Variants in POF1B observed in about 807,000 individuals in gnomAD.
POF1B encodes the protein POF1B actin binding protein.
In POF1B, 53 loss-of-function variants were observed where a neutral mutation model predicts 55.3. The observed-to-expected ratio is 0.96, with a 90% CI of 0.77 to 1.20. POF1B has a LOEUF of 1.20. Among genes scored for constraint, POF1B ranks in the 50% most tolerant of loss-of-function variants. The pLI, the probability that POF1B is intolerant of heterozygous loss-of-function variation, is 0.00. For missense variants in POF1B, 478 were observed against 420.5 expected, an observed-to-expected ratio of 1.14 and a Z score of -1.20; for synonymous variants, 188 against 148.3, an observed-to-expected ratio of 1.27 and a Z score of -1.95.
intron 15 of POF1B, among the ~76,000 whole-genome samples, chrX:85,284,106 G>T (rs1055023214): frequency 9.0e-6 from 1 of 110,933 alleles, no homozygotes; most frequent in Non-Finnish European, 1.9e-5. Flanking sequence ...TACAAGAGAT[G>T]TGAAGGACCT....
intron 2 of POF1B, among the ~76,000 whole-genome samples, chrX:85,371,244 C>T (rs974064536): frequency 7.2e-5 from 8 of 111,660 alleles, no homozygotes; most frequent in Non-Finnish European, 1.5e-4. Context: ...TTGTTTCTGA[C>T]GTTCTGTGAA....
intron 5 of POF1B, among the ~76,000 whole-genome samples, chrX:85,346,513 C>T (rs1933274371): frequency 1.8e-5 from 2 of 109,848 alleles, no homozygotes; most frequent in South Asian, 7.8e-4. Flanking sequence ...AAGTTCTTAT[C>T]CTTATGAAAC....
At chrX:85,335,922 T>C (rs959480646) in intron 6 of POF1B, among the ~76,000 whole-genome samples, 1 of 110,215 alleles carries the variant, frequency 9.1e-6, no homozygotes, top group African/African-American at 3.3e-5. Flanking sequence ...AGTTACACTG[T>C]TTTTCTATCA....
At chrX:85,336,127 C>A (rs978931323) in intron 6 of POF1B, among the ~76,000 whole-genome samples, 11 of 110,759 alleles carry the variant, frequency 9.9e-5, no homozygotes, top group African/African-American at 3.6e-4. Context: ...CTGTGCCTGG[C>A]TTATTTCACT....
Position 85,305,846 on chromosome X carries a change from G to A in POF1B, c.1382C>T (p.Thr461Met), listed in dbSNP as rs755105978. The A allele has an allele frequency of 1.7e-6, 2 of 1,209,241 alleles. No individual in the cohort carries two copies. The highest frequency in any genetic ancestry group is 2.2e-6 in the Non-Finnish European group (2 of 893,804). The change falls in exon 13 of 17, where the codon ACG becomes ATG. Residue 461 changes from threonine (T) to methionine (M), a missense_variant. Transcript: ENST00000262753. ...AKMDEIGNHYTEMVKNLRMEK... is the reference protein window; with the variant it reads ...AKMDEIGNHYMEMVKNLRMEK... Reference sequence around the variant, plus strand: ...CATTCTCAAGTTTTTTACCATCTCCGTGTAGTGGTTGCCAATCTCATCCAT... The same window carrying A: ...CATTCTCAAGTTTTTTACCATCTCCATGTAGTGGTTGCCAATCTCATCCAT...
At chrX:85,326,109 A>T (rs922288556) in intron 7 of POF1B, among the ~76,000 whole-genome samples, 1 of 111,941 alleles carries the variant, frequency 8.9e-6, no homozygotes, top group African/African-American at 3.2e-5. Flanking sequence ...GGTGCCAGCC[A>T]CCATACTCCG....
chrX:85,343,326 C>A (rs748109652), intron 6 of POF1B, among the ~76,000 whole-genome samples: 7 of 110,771 alleles, frequency 6.3e-5, no homozygotes, highest in Middle Eastern at 4.7e-3. Context: ...CATTAGTTAC[C>A]CAACTTTGCC....
intron 13 of POF1B, among the ~76,000 whole-genome samples, chrX:85,304,834 A>G (rs1022997545): frequency 4.5e-5 from 5 of 111,595 alleles, no homozygotes; most frequent in South Asian, 3.7e-4. Flanking sequence ...AGTTCACAAA[A>G]TATTCCTCCT....
intron 16 of POF1B, among the ~76,000 whole-genome samples, chrX:85,280,833 GA>G (rs201406392): frequency 1.8e-5 from 2 of 110,425 alleles, no homozygotes; most frequent in South Asian, 3.8e-4. Flanking sequence ...ATATAATTAG[GA>G]AAAAAACCCA....
chrX:85,324,123 C>T (rs1342910640), intron 7 of POF1B, among the ~76,000 whole-genome samples: 3 of 111,762 alleles, frequency 2.7e-5, no homozygotes, highest in African/African-American at 9.7e-5. Flanking sequence ...CTGATGATTG[C>T]TTTATGCTCA....
chrX:85,306,322 T>C lies in POF1B; in HGVS notation c.1176A>G (p.Gln392=), dbSNP rs1189927121. The C allele has an allele frequency of 1.7e-6, 2 of 1,207,804 alleles. No individual in the cohort carries two copies. Among genetic ancestry groups the C allele is most frequent in the South Asian group, 1.8e-5 (1 of 56,154 alleles). The change falls in exon 12 of 17, where the codon CAA becomes CAG. Residue 392 remains glutamine (Q), a synonymous_variant. Transcript: ENST00000262753. The part of the protein sequence containing the change: ...ANNHQQQQGL[Q]DSSSKCQALE... ...ATGCCTGGCATTTTGAACTTGAGTC[T>C]TGAAGTCCTTGCTGTAAAGAAGACA...
intron 3 of POF1B, among the ~76,000 whole-genome samples, chrX:85,363,980 G>A (rs903147899): frequency 1.8e-5 from 2 of 111,880 alleles, no homozygotes; most frequent in African/African-American, 6.5e-5. Context: ...CTGTTAAATT[G>A]AAATCTTTAC....
At chrX:85,328,324 C>T (rs1012530753) in intron 7 of POF1B, among the ~76,000 whole-genome samples, 8 of 108,695 alleles carry the variant, frequency 7.4e-5, no homozygotes, top group African/African-American at 1.7e-4. Flanking sequence ...CCTGCTTTAG[C>T]CTCCTGAGTA....
At chrX:85,288,840 A>G (rs1189618308) in intron 15 of POF1B, among the ~76,000 whole-genome samples, 2 of 111,942 alleles carry the variant, frequency 1.8e-5, no homozygotes, top group Admixed American at 9.5e-5. Flanking sequence ...GTTAAGTTCA[A>G]TTAAACCTCT....
At chrX:85,338,088 T>C (rs1244592210) in intron 6 of POF1B, among the ~76,000 whole-genome samples, 1 of 111,468 alleles carries the variant, frequency 9.0e-6, no homozygotes, top group Admixed American at 9.6e-5. Flanking sequence ...GTGCCCAGCA[T>C]GGTGCCTGAA....
Position 85,367,666 on chromosome X carries a change from C to A in POF1B, c.357+26G>T, listed in dbSNP as rs189033996. 2.5e-3 allele frequency: 2,637 copies of A among 1,072,007 alleles called. 5 individuals carry two copies. The highest frequency in any genetic ancestry group is 3.2e-3 in the Non-Finnish European group (2,463 of 774,711). 88.3% of individuals were successfully genotyped at this position (1,072,007 alleles called of 1,213,427 possible). A position where few individuals can be genotyped will look rare whatever the true frequency, so the allele number is the denominator to read the frequency against. ...TTCCATATAAAAAAGAGGAACAAATCTAATGTAATTCACAACTTCTTTTAC... is the reference window on the plus strand; with the variant it reads ...TTCCATATAAAAAAGAGGAACAAATATAATGTAATTCACAACTTCTTTTAC... On this transcript the variant is annotated intron_variant, in intron 3 of 16. Transcript: ENST00000262753.
In POF1B at chrX:85,379,228, G is replaced by A; in HGVS notation, c.227C>T (p.Ser76Phe). 1.7e-6 allele frequency: 2 copies of A among 1,211,061 alleles called. No individual in the cohort carries two copies. The highest frequency in any genetic ancestry group is 1.1e-6 in the Non-Finnish European group (1 of 895,279). ...GTAGGAGGAGGTGGTTTTGAGAGGG[G>A]AGAGCACTTCCCGTGAGTTGAAGGG... ...LDPFNSREVL[S>F]PLKTTSSYQN... The change falls in exon 2 of 17, where the codon TCC (serine) becomes TTC (phenylalanine). Residue 76 changes from serine to phenylalanine, a missense_variant. By Grantham distance (155) the Ser-to-Phe change is radical. Transcript: ENST00000262753.
chrX:85,316,056 G>C (rs1329541137), intron 7 of POF1B, among the ~76,000 whole-genome samples: 1 of 111,135 alleles, frequency 9.0e-6, no homozygotes, highest in Non-Finnish European at 1.9e-5. Context: ...GGCAATAAAT[G>C]CTTCTTGGGT....
chrX:85,308,529 A>C (rs916670242), intron 9 of POF1B, among the ~76,000 whole-genome samples: 4 of 111,752 alleles, frequency 3.6e-5, no homozygotes, highest in African/African-American at 9.7e-5. Flanking sequence ...AAAGATTAGA[A>C]GAGATGAGAC....
Sources: gnomAD v4.1 joint callset for allele counts (sites outside exome capture counted in the v4.1 genomes callset) on GRCh38, gnomAD v4.1.1 for gene constraint, MANE v1.5 for transcripts, NCBI Gene and HGNC (gene_info 2026-07-23, HGNC 2026-07-21) for gene names.